The following ZSWIM4 variants were observed in gnomAD, a reference collection of about 807,000 sequenced individuals.
ZSWIM4 encodes the protein zinc finger SWIM-type containing 4, also known as zinc finger SWIM domain-containing protein 4.
Under a neutral mutation model 102.5 loss-of-function variants are expected in ZSWIM4, and 62 were observed. That is an observed-to-expected ratio of 0.60 (90% confidence interval 0.49 to 0.75). The LOEUF (loss-of-function observed/expected upper bound fraction) is 0.75, where lower values mean the gene tolerates loss of function less well. Ranked by LOEUF, ZSWIM4 falls within the 30% of genes least tolerant of loss-of-function variation. The pLI is 0.00. For missense variants in ZSWIM4, 1,280 were observed against 1,529.6 expected (o/e 0.84, Z 2.72); for synonymous variants, 652 against 674.5 (o/e 0.97, Z 0.52).
rs796555375 is a variant in ZSWIM4, at chr19:13,828,180, G to A, written c.2380-465G>A. On this transcript the variant is annotated intron_variant, in intron 12 of 13. Coordinates refer to ENST00000590508, the MANE Select transcript of ZSWIM4 (RefSeq NM_001367834.3). ...TCCCAGCACTTTGAGAGGCTGAGGC[G>A]GGCGGATCACTTGAGGTCAGGAGTT... Among the ~76,000 whole-genome samples the A allele has an allele frequency of 9.2e-5, 14 of 152,148 alleles. No individual in the cohort carries two copies. The East Asian group carries it at 1.4e-3, about 15-fold the overall frequency.
chr19:13,827,402 A>G (rs1258113921), intron 12 of ZSWIM4, among the ~76,000 whole-genome samples: 1 of 151,858 alleles, frequency 6.6e-6, no homozygotes, highest in African/African-American at 2.4e-5. Flanking sequence ...GGAGTTCAAG[A>G]CCAGCCTGGC....
At chr19:13,811,038 C>T (rs1316280553) in intron 5 of ZSWIM4, among the ~76,000 whole-genome samples, 5 of 151,384 alleles carry the variant, frequency 3.3e-5, no homozygotes, top group Admixed American at 6.6e-5. Flanking sequence ...CTCAGCCTCC[C>T]GAGTAGCTGG....
chr19:13,827,588 C>CAAAAA (rs35504300), intron 12 of ZSWIM4, among the ~76,000 whole-genome samples: 32 of 71,964 alleles, frequency 4.4e-4, no homozygotes, highest in Middle Eastern at 8.8e-3. Flanking sequence ...GTGAGACCCT[C>CAAAAA]AAAAAAAAAA....
At position 13,809,297 on chromosome 19, in the gene ZSWIM4, G is replaced by T; in HGVS notation, c.1012+77G>T. ...GGGGCTGGCCCACTCCAAGATTAGG[G>T]TCTGTTCCCTGAATCCGCCCTCCAT... On this transcript the variant is annotated intron_variant, in intron 5 of 13. Transcript: ENST00000590508. This position sits in a 1 kb window ranked among gnomAD's most constrained non-coding sequence, Gnocchi z 4.2. 6.7e-7 allele frequency: 1 copy of T among 1,499,054 alleles called. No homozygotes were observed. The highest frequency in any genetic ancestry group is 8.9e-7 in the Non-Finnish European group (1 of 1,129,182). 92.9% of individuals were successfully genotyped at this position (1,499,054 alleles called of 1,614,324 possible). A position where few individuals can be genotyped will look rare whatever the true frequency, so the allele number is the denominator to read the frequency against.
chr19:13,822,851 C>T (rs562407700), intron 10 of ZSWIM4, among the ~76,000 whole-genome samples: 2 of 152,038 alleles, frequency 1.3e-5, no homozygotes, highest in African/African-American at 2.4e-5. Flanking sequence ...TGGTAGTACA[C>T]GCCTGTAATC....
At chr19:13,824,053 G>A (rs1010838183) in intron 11 of ZSWIM4, among the ~76,000 whole-genome samples, 9 of 151,510 alleles carry the variant, frequency 5.9e-5, no homozygotes, top group African/African-American at 2.2e-4. Context: ...AAGTGAGAGA[G>A]AGGAGGCTGG....
intron 2 of ZSWIM4, among the ~76,000 whole-genome samples, chr19:13,800,807 G>A (rs943122415): frequency 2.6e-5 from 4 of 152,144 alleles, no homozygotes; most frequent in Non-Finnish European, 4.4e-5. Flanking sequence ...CCAGAAACAG[G>A]GGAGGAGAGA....
intron 8 of ZSWIM4, 67 bp downstream of exon 8, chr19:13,817,420 C>A: frequency 6.4e-7 from 1 of 1,559,612 alleles, no homozygotes; most frequent in Non-Finnish European, 8.7e-7. Context: ...CCCCCTGGCC[C>A]AGTACCCCTA....
intron 1 of ZSWIM4, among the ~76,000 whole-genome samples, chr19:13,797,694 CA>C (rs1324857612): frequency 6.6e-6 from 1 of 152,116 alleles, no homozygotes; most frequent in African/African-American, 2.4e-5. Flanking sequence ...AGTCTGTTGC[CA>C]AGGCTGGAGT....
At chr19:13,813,523 C>T (rs574416753) in intron 6 of ZSWIM4, among the ~76,000 whole-genome samples, 6 of 151,244 alleles carry the variant, frequency 4.0e-5, no homozygotes, top group Non-Finnish European at 8.8e-5. Flanking sequence ...GAGAGAGAAA[C>T]AAGTGAAGAG....
intron 3 of ZSWIM4, among the ~76,000 whole-genome samples, chr19:13,807,576 A>ATGGG (rs1310688974): frequency 3.6e-5 from 5 of 137,288 alleles, no homozygotes; most frequent in African/African-American, 1.7e-4. Flanking sequence ...GGCAAGATGG[A>ATGGG]TGGATGGATG....
chr19:13,800,224 C>T (rs1228011723), intron 2 of ZSWIM4, among the ~76,000 whole-genome samples: 1 of 143,446 alleles, frequency 7.0e-6, no homozygotes, highest in Non-Finnish European at 1.5e-5. Flanking sequence ...GCCACCGCGC[C>T]CAGCTAATTT....
At chr19:13,804,155 C>T (rs1385284753) in intron 2 of ZSWIM4, among the ~76,000 whole-genome samples, 2 of 151,668 alleles carry the variant, frequency 1.3e-5, no homozygotes, top group Non-Finnish European at 2.9e-5. Flanking sequence ...TGAGCCACTG[C>T]GCCGGGCTGT....
chr19:13,800,065 A>ATTTTTTTTTTT lies in ZSWIM4; in HGVS notation c.355+154_355+164dup, dbSNP rs71170569. 891 of 384,740 alleles carry ATTTTTTTTTTT rather than the reference A, an allele frequency of 2.3e-3. 43 individuals are homozygous for ATTTTTTTTTTT. The highest frequency in any genetic ancestry group is 8.3e-3 in the African/African-American group (183 of 21,964). 23.8% of individuals were successfully genotyped at this position (384,740 alleles called of 1,614,324 possible). A position where few individuals can be genotyped will look rare whatever the true frequency, so the allele number is the denominator to read the frequency against. On this transcript the variant is annotated intron_variant, in intron 2 of 13. Transcript: ENST00000590508. ...CGAGGCCCAGATAGGATTGTACAAG[A>ATTTTTTTTTTT]TTTTTTTTTTTTTTTTTTTTGAGAC...
chr19:13,799,647 C>T, intron 1 of ZSWIM4, 73 bp from the exon 2 acceptor site: 1 of 1,465,388 alleles, frequency 6.8e-7, no homozygotes, highest in Non-Finnish European at 9.6e-7. Flanking sequence ...TCAAGCGATC[C>T]TCCCTCCTAA....
chr19:13,801,691 A>G (rs1974774418), intron 2 of ZSWIM4, among the ~76,000 whole-genome samples: 1 of 139,922 alleles, frequency 7.1e-6, no homozygotes, highest in Admixed American at 7.2e-5. Flanking sequence ...TTTTTTTCCG[A>G]GATGGAGTCT....
Position 13,795,631 on chromosome 19 carries a change from TG to T in ZSWIM4, c.-16del. On this transcript the variant is annotated 5_prime_UTR_variant, in exon 1 of 14. Transcript: ENST00000590508. ...CCCCAAAGAGGCCCCGCCCCGGCCC[TG>T]GCCCCGGCCGGGCCGGATGGAACCC... 1 of 474,496 alleles carries T rather than the reference TG, an allele frequency of 2.1e-6. No homozygotes were observed. The highest frequency in any genetic ancestry group is 9.5e-5 in the South Asian group (1 of 10,542). The allele number at this position is 474,496 out of a possible 1,614,324, so 29.4% of individuals were successfully genotyped here.
At chr19:13,804,481 T>A (rs1974858637) in intron 2 of ZSWIM4, among the ~76,000 whole-genome samples, 1 of 147,828 alleles carries the variant, frequency 6.8e-6, no homozygotes, top group African/African-American at 2.5e-5. Context: ...AATAAATAAA[T>A]AAATAAATAA....
intron 2 of ZSWIM4, among the ~76,000 whole-genome samples, chr19:13,803,385 G>A (rs1316119433): frequency 1.3e-5 from 2 of 152,198 alleles, no homozygotes; most frequent in Non-Finnish European, 2.9e-5. Flanking sequence ...ATTTTCTCAG[G>A]AAATTGAGGG....
Sources: gnomAD v4.1 joint callset for allele counts (sites outside exome capture counted in the v4.1 genomes callset) on GRCh38, gnomAD v4.1.1 for gene constraint, Gnocchi (gnomAD v3.1) non-coding constraint, MANE v1.5 for transcripts, NCBI Gene and HGNC (gene_info 2026-07-23, HGNC 2026-07-21) for gene names.